Variants in BAALC observed in about 807,000 individuals in gnomAD.
BAALC encodes brain and acute leukemia cytoplasmic protein.
In BAALC, 9 loss-of-function variants were observed where a neutral mutation model predicts 15.5. That is an observed-to-expected ratio of 0.58 (90% CI 0.35 to 1.02). The LOEUF is 1.02. BAALC is among the 50% of genes least tolerant of loss of function. The pLI, the probability that BAALC is intolerant of heterozygous loss-of-function variation, is 0.02. For missense variants in BAALC, 201 were observed against 192.4 expected (o/e 1.04, Z -0.27); for synonymous variants, 80 against 74.6 (o/e 1.07, Z -0.37).
rs932590347 is a variant in BAALC at position 103,168,989 on chromosome 8, G to T, written c.160+27932G>T. On this transcript the variant is annotated intron_variant, in intron 1 of 2. Coordinates refer to ENST00000309982, the MANE Select transcript of BAALC (RefSeq NM_024812.3). The stretch of plus-strand genomic sequence containing the variant: ...TTGTTGACAAGTCTGAAGTCATTCT[G>T]ATTCTCAATCCTTAGTATGAGATTT... 2.6e-5 allele frequency among the ~76,000 whole-genome samples: 4 copies of T among 152,144 alleles called. No homozygotes were observed. In the East Asian group the frequency reaches 5.8e-4, roughly 22 times the overall value.
chr8:103,224,492 C>T (rs1812758295), intron 2 of BAALC, among the ~76,000 whole-genome samples: 1 of 152,034 alleles, frequency 6.6e-6, no homozygotes, highest in South Asian at 2.1e-4. Context: ...CAATTGGTTG[C>T]GTTTATCTGA....
chr8:103,220,618 A>G (rs1177157242), intron 2 of BAALC, among the ~76,000 whole-genome samples: 3 of 152,242 alleles, frequency 2.0e-5, no homozygotes, highest in Non-Finnish European at 1.5e-5. Context: ...GAAGTTAAAA[A>G]ATAAATGCAT....
intron 2 of BAALC, among the ~76,000 whole-genome samples, chr8:103,227,433 G>A (rs1232444908): frequency 6.6e-6 from 1 of 152,066 alleles, no homozygotes; most frequent in Non-Finnish European, 1.5e-5. Context: ...AATTCCTTGT[G>A]GGCCCTAAGA....
At chr8:103,175,598 G>A (rs1811590258) in intron 1 of BAALC, among the ~76,000 whole-genome samples, 2 of 152,208 alleles carry the variant, frequency 1.3e-5, no homozygotes, top group South Asian at 4.1e-4. Context: ...TGATTTCAAT[G>A]TTCAAATTTA....
At chr8:103,143,081 T>C (rs1432234926) in intron 1 of BAALC, among the ~76,000 whole-genome samples, 1 of 152,192 alleles carries the variant, frequency 6.6e-6, no homozygotes, top group Non-Finnish European at 1.5e-5. Flanking sequence ...AAGACCAAGA[T>C]TAAATCAAGG....
chr8:103,170,120 G>C (rs555290076), intron 1 of BAALC, among the ~76,000 whole-genome samples: 44 of 152,036 alleles, frequency 2.9e-4, no homozygotes, highest in African/African-American at 9.2e-4. Flanking sequence ...TTTCCTATGA[G>C]TTTATGCCTC....
chr8:103,223,288 CAGAG>C (rs1812722681), intron 2 of BAALC, among the ~76,000 whole-genome samples: 1 of 151,894 alleles, frequency 6.6e-6, no homozygotes, highest in African/African-American at 2.4e-5. Flanking sequence ...AGCCTTGTGA[CAGAG>C]AGAGACTGTC....
At chr8:103,217,240 G>T (rs1420646841) in intron 2 of BAALC, among the ~76,000 whole-genome samples, 3 of 152,190 alleles carry the variant, frequency 2.0e-5, no homozygotes, top group Non-Finnish European at 4.4e-5. Flanking sequence ...ATAATCAGTG[G>T]TCTTTACATC....
At chr8:103,179,067 T>C (rs1169185099) in intron 1 of BAALC, among the ~76,000 whole-genome samples, 2 of 152,136 alleles carry the variant, frequency 1.3e-5, no homozygotes, top group Non-Finnish European at 1.5e-5. Flanking sequence ...TCTTTGGGGT[T>C]CTCTTCTCTA....
chr8:103,188,838 T>C (rs888098850), intron 1 of BAALC, among the ~76,000 whole-genome samples: 4 of 152,240 alleles, frequency 2.6e-5, no homozygotes, highest in Non-Finnish European at 1.5e-5. Context: ...TGTTATAGAT[T>C]TTCTCTAATT....
intron 2 of BAALC, 97 bp downstream of exon 2, chr8:103,213,182 C>T: frequency 4.6e-6 from 6 of 1,314,058 alleles, no homozygotes; most frequent in Non-Finnish European, 5.1e-6. Flanking sequence ...AGGGAGGGAC[C>T]AGGGATGGCT....
chr8:103,169,409 C>G (rs996514444), intron 1 of BAALC, among the ~76,000 whole-genome samples: 3 of 152,114 alleles, frequency 2.0e-5, no homozygotes, highest in Admixed American at 2.0e-4. Context: ...TTTTGTTGGT[C>G]TTTCTCTTGT....
intron 1 of BAALC, among the ~76,000 whole-genome samples, chr8:103,197,018 A>T (rs1165521790): frequency 6.6e-6 from 1 of 152,186 alleles, no homozygotes; most frequent in African/African-American, 2.4e-5. Flanking sequence ...CTTAATTCTG[A>T]AGGCAAGTTA....
chr8:103,188,798 G>A (rs1811902073), intron 1 of BAALC, among the ~76,000 whole-genome samples: 2 of 152,266 alleles, frequency 1.3e-5, no homozygotes, highest in South Asian at 4.1e-4. Flanking sequence ...CAGTGAGAAA[G>A]GAGTACATAT....
chr8:103,154,272 C>T (rs929790313), intron 1 of BAALC, among the ~76,000 whole-genome samples: 85 of 152,192 alleles, frequency 5.6e-4, no homozygotes, highest in African/African-American at 9.6e-5. Flanking sequence ...TAAATGTACA[C>T]GGGCTGTGAG....
chr8:103,190,330 T>C (rs536976658), intron 1 of BAALC, among the ~76,000 whole-genome samples: 1 of 152,288 alleles, frequency 6.6e-6, no homozygotes, highest in Non-Finnish European at 1.5e-5. Flanking sequence ...ATCTCTTGAA[T>C]TCATCCTGTT....
At chr8:103,199,804 C>CCTT (rs1181783326) in intron 1 of BAALC, among the ~76,000 whole-genome samples, 1 of 91,734 alleles carries the variant, frequency 1.1e-5, no homozygotes, top group Non-Finnish European at 2.4e-5. Context: ...ATTTTTCCTC[C>CCTT]CTCCCACCCT....
At chr8:103,227,640 G>C (rs1373881295) in intron 2 of BAALC, among the ~76,000 whole-genome samples, 1 of 152,156 alleles carries the variant, frequency 6.6e-6, no homozygotes, top group Non-Finnish European at 1.5e-5. Flanking sequence ...TGAGACAAAT[G>C]CATATTTGAC....
At chr8:103,184,032 C>T (rs2129981703) in intron 1 of BAALC, among the ~76,000 whole-genome samples, 1 of 152,324 alleles carries the variant, frequency 6.6e-6, no homozygotes, top group Non-Finnish European at 1.5e-5. Flanking sequence ...ATTTCCTTTC[C>T]TTTTCCAGCT....
Sources: allele counts gnomAD v4.1 joint callset (sites outside exome capture counted in the v4.1 genomes callset), GRCh38; gene constraint gnomAD v4.1.1; transcripts MANE v1.5; gene names NCBI Gene and HGNC (gene_info 2026-07-23, HGNC 2026-07-21).